The following MAF variants were observed in gnomAD, a reference collection of about 807,000 sequenced individuals.
The protein encoded by MAF is transcription factor Maf.
In MAF, 10 loss-of-function variants were observed where a neutral mutation model predicts 22.0. That is an observed-to-expected ratio of 0.45 (90% CI 0.28 to 0.77). The LOEUF (loss-of-function observed/expected upper bound fraction) is 0.77. Ranked by LOEUF, MAF falls within the 30% of genes least tolerant of loss-of-function variation. The pLI, the probability that MAF is intolerant of heterozygous loss-of-function variation, is 0.12. For synonymous variants in MAF, 337 were observed against 255.8 expected (o/e 1.32, Z -3.03); for missense variants, 544 against 548.4 (o/e 0.99, Z 0.08).
At chr16:79,345,884 C>T in the MAF span, among the ~76,000 whole-genome samples, 1 of 150,964 alleles carries the variant, frequency 6.6e-6, no homozygotes, top group African/African-American at 2.4e-5. Context: ...TATTTGTTTA[C>T]TTATTTTTTT....
the MAF span, among the ~76,000 whole-genome samples, chr16:79,568,974 T>C: frequency 1.3e-5 from 2 of 152,240 alleles, no homozygotes; most frequent in Non-Finnish European, 2.9e-5. Context: ...AGCCCCCTCA[T>C]GCAAGTTTAT....
the MAF span, among the ~76,000 whole-genome samples, chr16:79,509,394 G>A: frequency 6.6e-6 from 1 of 152,238 alleles, no homozygotes; most frequent in Non-Finnish European, 1.5e-5. Context: ...CCTGGGAGGA[G>A]AAGCCTTTGT....
chr16:79,338,792 C>T, the MAF span, among the ~76,000 whole-genome samples: 2 of 152,116 alleles, frequency 1.3e-5, no homozygotes, highest in African/African-American at 4.8e-5. Context: ...CCCATCCGAG[C>T]CTCAGTTTTC....
At chr16:79,206,131 A>G in the MAF span, 16 of 152,224 alleles carry the variant, frequency 1.1e-4, no homozygotes, top group African/African-American at 3.9e-4. Context: ...ATCAATGGAA[A>G]AAAAAATCTC....
chr16:79,548,048 T>C, the MAF span, among the ~76,000 whole-genome samples: 1 of 152,208 alleles, frequency 6.6e-6, no homozygotes, highest in Non-Finnish European at 1.5e-5. Flanking sequence ...TCTGTTGTTT[T>C]AATAAACATA....
At chr16:79,341,301 C>T in the MAF span, among the ~76,000 whole-genome samples, 2 of 152,148 alleles carry the variant, frequency 1.3e-5, no homozygotes, top group African/African-American at 4.8e-5. Context: ...AGCAAAAGCA[C>T]CTGTCTTGTA....
chr16:79,307,316 T>G, the MAF span, among the ~76,000 whole-genome samples: 2 of 152,192 alleles, frequency 1.3e-5, no homozygotes, highest in Non-Finnish European at 2.9e-5. Flanking sequence ...TGCCCTGGAA[T>G]GGAAGGAAGG....
At chr16:79,372,595 C>T in the MAF span, among the ~76,000 whole-genome samples, 1 of 152,186 alleles carries the variant, frequency 6.6e-6, no homozygotes, top group African/African-American at 2.4e-5. Context: ...CCTACTGGGG[C>T]ATCTTATAAC....
At chr16:79,484,604 C>T in the MAF span, among the ~76,000 whole-genome samples, 1 of 152,128 alleles carries the variant, frequency 6.6e-6, no homozygotes, top group Non-Finnish European at 1.5e-5. Context: ...TGGAAAAGGC[C>T]CAGGGCATAT....
At chr16:79,453,194 C>G in the MAF span, among the ~76,000 whole-genome samples, 2 of 152,248 alleles carry the variant, frequency 1.3e-5, no homozygotes, top group African/African-American at 2.4e-5. Context: ...CCCACCCAAG[C>G]CTTTATCTGC....
At chr16:79,460,843 G>A in the MAF span, among the ~76,000 whole-genome samples, 1 of 152,146 alleles carries the variant, frequency 6.6e-6, no homozygotes, top group African/African-American at 2.4e-5. Context: ...TATGGTGAGT[G>A]GCTCTTCCTT....
In MAF at chr16:79,600,062, T is replaced by TCA. The variant is rs1035706274; in HGVS notation, c.-162_-161dup. On this transcript the variant is annotated 5_prime_UTR_variant, in exon 1 of 2. Transcript: ENST00000326043. ...GCTGGCCCGAAACCTCCGAGCGCGC[T>TCA]CACACACACACCCCCCCGCCCTGCC... 1.8e-4 allele frequency: 165 copies of TCA among 899,326 alleles called. No individual in the cohort carries two copies. The highest frequency in any genetic ancestry group is 3.4e-4 in the Middle Eastern group (1 of 2,906). The allele number at this position is 899,326 out of a possible 1,614,324, so 55.7% of individuals were successfully genotyped here.
chr16:79,248,411 T>A, the MAF span, among the ~76,000 whole-genome samples: 1 of 152,218 alleles, frequency 6.6e-6, no homozygotes, highest in Non-Finnish European at 1.5e-5. Context: ...ATGATGCCCC[T>A]GGTTTTACAA....
the MAF span, among the ~76,000 whole-genome samples, chr16:79,225,505 CA>C: frequency 6.6e-6 from 1 of 152,112 alleles, no homozygotes; most frequent in Admixed American, 6.6e-5. Flanking sequence ...GCAATGGCAA[CA>C]AAAGCCAAAA....
the MAF span, among the ~76,000 whole-genome samples, chr16:79,346,346 G>C: frequency 6.6e-6 from 1 of 151,922 alleles, no homozygotes; most frequent in South Asian, 2.1e-4. Context: ...TCCCTACAAA[G>C]GACAGGAACT....
At chr16:79,562,877 G>A in the MAF span, among the ~76,000 whole-genome samples, 4 of 152,280 alleles carry the variant, frequency 2.6e-5, no homozygotes, top group African/African-American at 9.6e-5. Flanking sequence ...CCCAGGTCCA[G>A]AAAACAGAGT....
chr16:79,415,228 G>A, the MAF span, among the ~76,000 whole-genome samples: 1 of 142,190 alleles, frequency 7.0e-6, no homozygotes, highest in East Asian at 2.4e-4. Context: ...CTGGGCACAG[G>A]ATACAAGTCA....
chr16:79,209,910 G>C, the MAF span, among the ~76,000 whole-genome samples: 1 of 152,068 alleles, frequency 6.6e-6, no homozygotes, highest in South Asian at 2.1e-4. Flanking sequence ...ATTTCCATTA[G>C]ACTTGAGCCA....
the MAF span, among the ~76,000 whole-genome samples, chr16:79,418,144 A>G: frequency 2.0e-5 from 3 of 152,206 alleles, no homozygotes; most frequent in Non-Finnish European, 2.9e-5. Context: ...CTGAAGCCGG[A>G]TGATTCCCTC....
Sources: allele counts gnomAD v4.1 joint callset (sites outside exome capture counted in the v4.1 genomes callset), GRCh38; gene constraint gnomAD v4.1.1; transcripts MANE v1.5; gene names NCBI Gene and HGNC (gene_info 2026-07-23, HGNC 2026-07-21).